VPS25: variants seen among roughly 807,000 people sequenced by gnomAD.
VPS25 encodes vacuolar protein-sorting-associated protein 25.
In VPS25, 21 loss-of-function variants were observed where a neutral mutation model predicts 30.3. The observed-to-expected ratio is 0.69, with a 90% CI of 0.49 to 1.00. The LOEUF (loss-of-function observed/expected upper bound fraction) is 1.00. Among genes scored for constraint, VPS25 ranks in the 50% least tolerant of loss-of-function variants. The pLI, the probability that VPS25 is intolerant of heterozygous loss-of-function variation, is 0.00. For synonymous variants in VPS25, 101 were observed against 88.1 expected (o/e 1.15, Z -0.82); for missense variants, 156 against 217.2 (o/e 0.72, Z 1.77).
rs1392040573 is a variant in VPS25 at position 42,779,093 on chromosome 17, C to T, written c.*24C>T. On this transcript the variant is annotated 3_prime_UTR_variant, in exon 6 of 6. Coordinates refer to ENST00000253794, the MANE Select transcript of VPS25 (RefSeq NM_032353.4). ...AGCAGGGACCTGTCTCCCTTTACTT[C>T]TTACCTCCCACCTTTCCAGGGCTTT... The T allele has an allele frequency of 3.7e-6, 6 of 1,600,218 alleles. No homozygotes were observed. The South Asian group carries it at 6.7e-5, about 18-fold the overall frequency.
chr17:42,774,372 C>CT (rs1161401913), intron 2 of VPS25: 37,930 of 226,990 alleles, frequency 0.17, 3,337 homozygotes, highest in Non-Finnish European at 0.21. Context: ...TTCTTTCTTT[C>CT]TTTTTTTTTT....
At chr17:42,778,161 C>T (rs1004840393) in intron 5 of VPS25, among the ~76,000 whole-genome samples, 2 of 152,094 alleles carry the variant, frequency 1.3e-5, no homozygotes, top group East Asian at 3.9e-4. Context: ...TCTCCACATA[C>T]TCAGCTAGCC....
chr17:42,773,724 A>G lies in VPS25; in HGVS notation c.54-9A>G. 2.5e-6 allele frequency: 4 copies of G among 1,612,530 alleles called. No individual in the cohort carries two copies. Among genetic ancestry groups the G allele is most frequent in the Non-Finnish European group, 3.4e-6 (4 of 1,179,134 alleles). On this transcript the variant is annotated splice_polypyrimidine_tract_variant and intron_variant, in intron 1 of 5. Coordinates refer to ENST00000253794, the MANE Select transcript of VPS25 (RefSeq NM_032353.4). ...TCTAATTCTGCGCCCCACTCCCTTC[A>G]CCCGGCAGGTTACAACCGAATGTGG...
chr17:42,778,871 G>C, intron 5 of VPS25, 86 bp from the exon 6 acceptor site: 2 of 1,237,626 alleles, frequency 1.6e-6, no homozygotes, highest in Admixed American at 3.9e-5. Flanking sequence ...CTGCCTCTGG[G>C]AGGTCTCGGC....
At chr17:42,776,847 G>A (rs1254807008) in intron 5 of VPS25, among the ~76,000 whole-genome samples, 1 of 152,178 alleles carries the variant, frequency 6.6e-6, no homozygotes, top group African/African-American at 2.4e-5. Flanking sequence ...TGTTTTTGTG[G>A]ATGCATGTGC....
chr17:42,778,082 G>T (rs1457827668), intron 5 of VPS25, among the ~76,000 whole-genome samples: 1 of 152,130 alleles, frequency 6.6e-6, no homozygotes. Context: ...CCCCCACAGG[G>T]GGTGAGGTAA....
intron 4 of VPS25, among the ~76,000 whole-genome samples, chr17:42,775,842 T>C (rs892073449): frequency 2.6e-5 from 4 of 152,164 alleles, no homozygotes; most frequent in African/African-American, 9.7e-5. Flanking sequence ...ACAACATGAA[T>C]GAGATATTCT....
intron 3 of VPS25, 51 bp from the exon 4 acceptor site, chr17:42,775,330 G>A: frequency 3.3e-6 from 5 of 1,508,020 alleles, no homozygotes; most frequent in Non-Finnish European, 4.6e-6. Flanking sequence ...GCCTCCCAAA[G>A]TGTAAGCCAC....
chr17:42,773,686 C>T, intron 1 of VPS25, 47 bp from the exon 2 acceptor site: 1 of 1,606,242 alleles, frequency 6.2e-7, no homozygotes, highest in Non-Finnish European at 8.5e-7. Flanking sequence ...CGGGCAAGTG[C>T]TGCCTCCCGC....
intron 5 of VPS25, among the ~76,000 whole-genome samples, chr17:42,777,318 C>T (rs2054441774): frequency 6.6e-6 from 1 of 152,164 alleles, no homozygotes; most frequent in Non-Finnish European, 1.5e-5. Context: ...AGTTCCAGAC[C>T]AGCCTGGCCA....
At chr17:42,775,048 T>C in intron 3 of VPS25, 1 of 354,772 alleles carries the variant, frequency 2.8e-6, no homozygotes, top group Non-Finnish European at 5.1e-6. Flanking sequence ...TCATGATACT[T>C]TTTTTTTGGG....
chr17:42,775,290 C>G, intron 3 of VPS25, 91 bp from the exon 4 acceptor site: 1 of 949,840 alleles, frequency 1.1e-6, no homozygotes, highest in Non-Finnish European at 1.7e-6. Context: ...TAGTTTCGAA[C>G]TCCTGGGCTC....
chr17:42,778,776 C>T (rs1231391333), intron 5 of VPS25, among the ~76,000 whole-genome samples, 181 bp from the exon 6 acceptor site: 1 of 152,224 alleles, frequency 6.6e-6, no homozygotes, highest in African/African-American at 2.4e-5. Flanking sequence ...CATGCTGATT[C>T]AGGCTTTCTT....
At chr17:42,773,671 C>G (rs948556843) in intron 1 of VPS25, 62 bp from the exon 2 acceptor site, 71 of 1,603,466 alleles carry the variant, frequency 4.4e-5, no homozygotes, top group Admixed American at 6.7e-5. Context: ...TCCTGAAATG[C>G]GTCCCGGGCA....
chr17:42,774,726 T>C lies in VPS25; in HGVS notation c.253+27T>C, dbSNP rs1159326356. On this transcript the variant is annotated intron_variant, in intron 3 of 5. Coordinates refer to ENST00000253794, the MANE Select transcript of VPS25 (RefSeq NM_032353.4). ...TGGGTTCAGTTCCCCAGATTCCTTA[T>C]TTTTCTTCCTAGTTGGGTTTTCCTG... 1.9e-6 allele frequency: 3 copies of C among 1,605,236 alleles called. No individual in the cohort carries two copies. In the South Asian group the frequency reaches 3.3e-5, roughly 18 times the overall value.
intron 2 of VPS25, chr17:42,774,167 A>G (rs934538295): frequency 1.5e-5 from 5 of 326,820 alleles, no homozygotes; most frequent in African/African-American, 1.1e-4. Flanking sequence ...GACTATTTGT[A>G]TCTTCCATCC....
rs2054455305 is a variant in VPS25, at chr17:42,779,269, G to A, written c.*200G>A. The A allele has an allele frequency of 5.5e-6, 3 of 545,990 alleles. No individual in the cohort carries two copies. The highest frequency in any genetic ancestry group is 2.0e-5 in the South Asian group (1 of 49,274). 33.8% of individuals were successfully genotyped at this position (545,990 alleles called of 1,614,324 possible). A position where few individuals can be genotyped will look rare whatever the true frequency, so the allele number is the denominator to read the frequency against. On this transcript the variant is annotated 3_prime_UTR_variant, in exon 6 of 6. Coordinates refer to ENST00000253794, the MANE Select transcript of VPS25 (RefSeq NM_032353.4). ...GGATAGGGTGAGGCTGAAGCACCAG[G>A]GAGAAAATATGTGCTTCTTCTCGCC...
chr17:42,776,114 C>A, intron 4 of VPS25, 131 bp from the exon 5 acceptor site: 1 of 746,546 alleles, frequency 1.3e-6, no homozygotes, highest in East Asian at 2.6e-5. Flanking sequence ...TTAGGCCACT[C>A]TGCAGAGGCG....
chr17:42,774,238 T>C (rs924008755), intron 2 of VPS25: 1 of 267,270 alleles, frequency 3.7e-6, no homozygotes, highest in Non-Finnish European at 7.0e-6. Flanking sequence ...GCCCCCCTCC[T>C]GCCAGGAAGT....
Sources: allele counts gnomAD v4.1 joint callset (sites outside exome capture counted in the v4.1 genomes callset), GRCh38; gene constraint gnomAD v4.1.1; transcripts MANE v1.5; gene names NCBI Gene and HGNC (gene_info 2026-07-23, HGNC 2026-07-21).